The following COL12A1 variants were observed in gnomAD, a reference collection of about 807,000 sequenced individuals.
The protein encoded by COL12A1 is collagen alpha-1(XII) chain.
COL12A1 carries 114 observed loss-of-function variants against 349.7 expected under a neutral mutation model. The observed-to-expected ratio is 0.33, with a 90% CI of 0.28 to 0.38. The LOEUF (loss-of-function observed/expected upper bound fraction) is 0.38, where lower values mean the gene tolerates loss of function less well. COL12A1 is among the 10% of genes least tolerant of loss of function. The pLI, the probability that COL12A1 is intolerant of heterozygous loss-of-function variation, is 1.00. For missense variants in COL12A1, 3,284 were observed against 3,756.9 expected, an observed-to-expected ratio of 0.87 and a Z score of 3.29; for synonymous variants, 1,369 against 1,329.0, an observed-to-expected ratio of 1.03 and a Z score of -0.66.
At chr6:75,096,952 G>A (rs1272965160) in intron 59 of COL12A1, among the ~76,000 whole-genome samples, 1 of 151,422 alleles carries the variant, frequency 6.6e-6, no homozygotes, top group East Asian at 1.9e-4. Context: ...AACCACCGAG[G>A]TTATAAAACC....
At chr6:75,145,635 T>C (rs912849079) in intron 24 of COL12A1, among the ~76,000 whole-genome samples, 180 bp from the exon 25 acceptor site, 1 of 150,424 alleles carries the variant, frequency 6.6e-6, no homozygotes. Context: ...TTTTGGTTTG[T>C]TTTGTTTTGT....
intron 3 of COL12A1, among the ~76,000 whole-genome samples, chr6:75,192,639 A>G (rs1769999253): frequency 6.6e-6 from 1 of 152,164 alleles, no homozygotes; most frequent in South Asian, 2.1e-4. Flanking sequence ...ATCGAACTAA[A>G]AATCTTTCAT....
chr6:75,156,599 A>C, intron 14 of COL12A1, 76 bp from the exon 15 acceptor site: 1 of 1,384,884 alleles, frequency 7.2e-7, no homozygotes, highest in South Asian at 1.3e-5. Context: ...TTTATGTGAA[A>C]AGAAACTCTC....
Position 75,188,415 on chromosome 6 carries a change from T to C in COL12A1, c.944A>G (p.Gln315Arg). Residue 315 changes from glutamine to arginine, a missense_variant, in exon 8 of 66, where the codon CAG (glutamine) becomes CGG (arginine). Around this residue, in one of 2 missense-constraint regions of COL12A1, gnomAD observed 2,601 missense variants for 2,824.8 expected, o/e 0.92. Transcript: ENST00000322507. ...IVDIQNEIIS[Q>R]VCSGVDEQLG... The stretch of plus-strand genomic sequence containing the variant: ...TTGTTCATCAACACCTGAGCACACC[T>C]GGGAGATGATCTCATTCTGAATATC... The C allele has an allele frequency of 6.2e-7, 1 of 1,613,674 alleles. No homozygotes were observed. The highest frequency in any genetic ancestry group is 8.5e-7 in the Non-Finnish European group (1 of 1,179,684).
chr6:75,137,467 C>T lies in COL12A1; in HGVS notation c.5364G>A (p.Gln1788=). 1 of 1,612,650 alleles carries T rather than the reference C, an allele frequency of 6.2e-7. No homozygotes were observed. The highest frequency in any genetic ancestry group is 8.5e-7 in the Non-Finnish European group (1 of 1,179,426). Residue 1788 remains glutamine (Q), a synonymous_variant, in exon 31 of 66, where the codon CAG becomes CAA. Coordinates refer to ENST00000322507, the MANE Select transcript of COL12A1 (RefSeq NM_004370.6). ...GRVQKYRITY[Q]PSTGEGNEQT... ...GCTCATTGCCTTCCCCTGTGGAAGG[C>T]TGATAAGTGATCCTATATTTCTGCA...
intron 13 of COL12A1, among the ~76,000 whole-genome samples, chr6:75,168,110 T>G (rs553095336): frequency 7.8e-4 from 119 of 152,272 alleles, no homozygotes; most frequent in Middle Eastern, 3.4e-3. Context: ...AGAAAGATAG[T>G]TCAATCGAGA....
intron 51 of COL12A1, among the ~76,000 whole-genome samples, chr6:75,111,165 C>G (rs1270150204): frequency 6.6e-6 from 1 of 151,290 alleles, no homozygotes; most frequent in Admixed American, 6.6e-5. Flanking sequence ...CTCAATAAAG[C>G]TGTTTAAAAA....
At chr6:75,179,492 A>G (rs12215389) in intron 11 of COL12A1, among the ~76,000 whole-genome samples, 20,435 of 151,522 alleles carry the variant, frequency 0.13, 1,885 homozygotes, top group African/African-American at 0.24. Context: ...GACTTCTTAG[A>G]CCATTTAGTT....
intron 13 of COL12A1, among the ~76,000 whole-genome samples, chr6:75,167,758 C>G (rs909526776): frequency 6.6e-6 from 1 of 152,194 alleles, no homozygotes; most frequent in African/African-American, 2.4e-5. Context: ...CAAGACATGT[C>G]TTCCTATGGA....
Position 75,126,427 on chromosome 6 carries a change from C to T in COL12A1, c.6384G>A (p.Trp2128Ter). The stretch of plus-strand genomic sequence containing the variant: ...CCCAGGACACCCTGAATCTTGTATA[C>T]CATTCGTCAGAGATGTGTATGTTCT... ...PPQNIHISDEWYTRFRVSWDP... is the reference protein window; with the variant it reads ...PPQNIHISDE The change falls in exon 39 of 66, where the codon TGG (tryptophan) becomes TGA (stop). Residue 2128 changes from tryptophan (W) to a stop codon, truncating the protein, a stop_gained. Coordinates refer to ENST00000322507, the MANE Select transcript of COL12A1 (RefSeq NM_004370.6). LOFTEE classifies it high-confidence loss of function. 6.2e-7 allele frequency: 1 copy of T among 1,611,472 alleles called. No individual in the cohort carries two copies. Among genetic ancestry groups the T allele is most frequent in the Non-Finnish European group, 8.5e-7 (1 of 1,178,008 alleles).
Position 75,189,809 on chromosome 6 carries a change from G to A in COL12A1, c.401C>T (p.Ser134Phe), listed in dbSNP as rs1346687171. 23 of 1,611,238 alleles carry A rather than the reference G, an allele frequency of 1.4e-5. No individual in the cohort carries two copies. The highest frequency in any genetic ancestry group is 1.9e-5 in the Non-Finnish European group (22 of 1,178,200). Reference protein sequence around the residue: ...KPGKTEIQKCSVSAWTDLVFL... With the variant: ...KPGKTEIQKCFVSAWTDLVFL... The stretch of plus-strand genomic sequence containing the variant: ...AACCAAATCAGTCCAGGCACTGACA[G>A]AGCATTCTGAAATACATTTGATATC... The change falls in exon 6 of 66, where the codon TCT (serine) becomes TTT (phenylalanine). Residue 134 changes from serine (S) to phenylalanine (F), a missense_variant. Around this residue, in one of 2 missense-constraint regions of COL12A1, gnomAD observed 2,601 missense variants for 2,824.8 expected, o/e 0.92. Transcript: ENST00000322507.
Position 75,102,702 on chromosome 6 carries a change from A to G in COL12A1, c.8320-10T>C, listed in dbSNP as rs757504532. ...GAGGACCAGGGGGCCCCTAAAATAC[A>G]CAAGAGAGAGACAACCACAAAGTAA... On this transcript the variant is annotated splice_polypyrimidine_tract_variant and intron_variant, in intron 55 of 65. Coordinates refer to ENST00000322507, the MANE Select transcript of COL12A1 (RefSeq NM_004370.6). 2 of 1,525,258 alleles carry G rather than the reference A, an allele frequency of 1.3e-6. No homozygotes were observed. Among genetic ancestry groups the G allele is most frequent in the South Asian group, 1.3e-5 (1 of 77,092 alleles). 94.5% of individuals were successfully genotyped at this position (1,525,258 alleles called of 1,614,324 possible).
At chr6:75,171,718 G>A (rs1198972305) in intron 13 of COL12A1, among the ~76,000 whole-genome samples, 2 of 152,160 alleles carry the variant, frequency 1.3e-5, no homozygotes, top group Non-Finnish European at 2.9e-5. Context: ...TCCACTCCCT[G>A]CATTTACCAT....
Position 75,189,245 on chromosome 6 carries a change from A to G in COL12A1, c.795T>C (p.Arg265=), listed in dbSNP as rs770115616. 1 of 1,613,016 alleles carries G rather than the reference A, an allele frequency of 6.2e-7. No homozygotes were observed. The highest frequency in any genetic ancestry group is 8.5e-7 in the Non-Finnish European group (1 of 1,179,374). ...DEVEIPAREL[R]NVGVEVFSLG... ...AGGAGAAAACTTCAACTCCAACATTACGAAGCTCTCTTGCTGGAATTTCCA... is the reference window on the plus strand; with the variant it reads ...AGGAGAAAACTTCAACTCCAACATTGCGAAGCTCTCTTGCTGGAATTTCCA... The change falls in exon 7 of 66, where the codon CGT becomes CGC. Residue 265 remains arginine (R), a synonymous_variant. Coordinates refer to ENST00000322507, the MANE Select transcript of COL12A1 (RefSeq NM_004370.6).
chr6:75,189,218 C>G lies in COL12A1; in HGVS notation c.822G>C (p.Leu274Phe). ...AATAATTAACTGAACTTAACCTACC[C>G]AAGGAGAAAACTTCAACTCCAACAT... ...LRNVGVEVFS[L>F]GIKAADAKEL... Residue 274 changes from leucine to phenylalanine, a missense_variant and splice_region_variant, in exon 7 of 66, where the codon TTG becomes TTC. Physicochemically the swap from Leu to Phe is conservative, Grantham distance 22. Transcript: ENST00000322507. The G allele has an allele frequency of 1.9e-6, 3 of 1,612,386 alleles. No individual in the cohort carries two copies. The highest frequency in any genetic ancestry group is 2.7e-5 in the African/African-American group (2 of 74,954).
At chr6:75,143,587 T>C (rs1767022466) in intron 25 of COL12A1, among the ~76,000 whole-genome samples, 199 bp from the exon 26 acceptor site, 2 of 152,060 alleles carry the variant, frequency 1.3e-5, no homozygotes, top group Admixed American at 1.3e-4. Context: ...TTTTCAAAAA[T>C]AGAATATATT....
At chr6:75,158,882 C>T (rs1311983400) in intron 14 of COL12A1, among the ~76,000 whole-genome samples, 1 of 151,864 alleles carries the variant, frequency 6.6e-6, no homozygotes, top group South Asian at 2.1e-4. Context: ...TGTGTGACAA[C>T]TTCAAGCAGA....
chr6:75,098,501 A>AT lies in COL12A1; in HGVS notation c.8524-1196_8524-1195insA, dbSNP rs1281857930. On this transcript the variant is annotated intron_variant, in intron 58 of 65. Coordinates refer to ENST00000322507, the MANE Select transcript of COL12A1 (RefSeq NM_004370.6). ...AGACCCTGTCACTAAAAAAAGTGAAAGAAAAAAAGTAGCCAAGCATGGTGG... is the reference window on the plus strand; with the variant it reads ...AGACCCTGTCACTAAAAAAAGTGAAATGAAAAAAAGTAGCCAAGCATGGTGG... 5.3e-5 allele frequency among the ~76,000 whole-genome samples: 8 copies of AT among 152,296 alleles called. No homozygotes were observed. In the East Asian group the frequency reaches 1.2e-3, roughly 22 times the overall value.
At chr6:75,131,450 ATTTG>A (rs1766298832) in intron 35 of COL12A1, among the ~76,000 whole-genome samples, 2 of 152,202 alleles carry the variant, frequency 1.3e-5, no homozygotes, top group Non-Finnish European at 1.5e-5. Context: ...ATTGTTAATC[ATTTG>A]TTTATCTTTG....
Sources: gnomAD v4.1 joint callset for allele counts (sites outside exome capture counted in the v4.1 genomes callset) on GRCh38, gnomAD v4.1.1 for gene constraint, gnomAD v4.1.1 regional missense constraint, MANE v1.5 for transcripts, NCBI Gene and HGNC (gene_info 2026-07-23, HGNC 2026-07-21) for gene names.